The following GUCY1A2 variants were observed in gnomAD, a reference collection of about 807,000 sequenced individuals.
The protein encoded by GUCY1A2 is guanylate cyclase 1 soluble subunit alpha 2.
GUCY1A2 carries 27 observed loss-of-function variants against 63.5 expected under a neutral mutation model. That is an observed-to-expected ratio of 0.43 (90% confidence interval 0.31 to 0.59). GUCY1A2 has a LOEUF of 0.59. Ranked by LOEUF, GUCY1A2 falls within the 20% of genes least tolerant of loss-of-function variation. The probability of loss-of-function intolerance (pLI) is 0.11; values close to 1 mark genes in which losing one functional copy is unlikely to be tolerated. For missense variants in GUCY1A2, 768 were observed against 913.3 expected (o/e 0.84, Z 2.05); for synonymous variants, 364 against 343.5 (o/e 1.06, Z -0.66).
At chr11:106,999,661 C>T (rs182459994) in intron 1 of GUCY1A2, among the ~76,000 whole-genome samples, 2 of 152,240 alleles carry the variant, frequency 1.3e-5, no homozygotes, top group East Asian at 3.9e-4. Context: ...TTGAAAGTGA[C>T]TTACTAGTAT....
At position 106,939,557 on chromosome 11, in the gene GUCY1A2, T is replaced by G; in HGVS notation, c.1109A>C (p.Lys370Thr). 2 of 1,614,004 alleles carry G rather than the reference T, an allele frequency of 1.2e-6. No individual in the cohort carries two copies. Among genetic ancestry groups the G allele is most frequent in the Non-Finnish European group, 1.7e-6 (2 of 1,179,862 alleles). The part of the protein sequence containing the change: ...FEDCFEIVSP[K>T]VNATFERVLL... ...GACCCTTTCAAAGGTGGCATTAACCTTTGGAGATACAATCTCGAAGCAGTC... is the reference window on the plus strand; with the variant it reads ...GACCCTTTCAAAGGTGGCATTAACCGTTGGAGATACAATCTCGAAGCAGTC... Residue 370 changes from lysine (K) to threonine (T), a missense_variant, in exon 4 of 8, where the codon AAG becomes ACG. Around this residue, in one of 3 missense-constraint regions of GUCY1A2, gnomAD observed 496 missense variants for 486.9 expected, o/e 1.02. Transcript: ENST00000526355.
chr11:106,931,872 T>C (rs563583757), intron 4 of GUCY1A2, among the ~76,000 whole-genome samples: 6 of 152,146 alleles, frequency 3.9e-5, no homozygotes, highest in Non-Finnish European at 5.9e-5. Context: ...TTGGGGGTGA[T>C]AAAGTTTTCT....
intron 6 of GUCY1A2, among the ~76,000 whole-genome samples, chr11:106,716,362 G>A (rs1863213481): frequency 6.6e-6 from 1 of 152,142 alleles, no homozygotes; most frequent in Non-Finnish European, 1.5e-5. Flanking sequence ...CTAGATGCCA[G>A]TTGTAAACAG....
chr11:107,018,126 C>CG lies in GUCY1A2; in HGVS notation c.-72dup. 1 of 1,048,506 alleles carries CG rather than the reference C, an allele frequency of 9.5e-7. No homozygotes were observed. The highest frequency in any genetic ancestry group is 1.3e-6 in the Non-Finnish European group (1 of 794,140). 65.0% of individuals were successfully genotyped at this position (1,048,506 alleles called of 1,614,324 possible). ...CGAGCGGCGGCGGAGGCGGCGGTGG[C>CG]GGGACCGGCAAGCGACAACGTTAAG... is the stretch of plus-strand genomic sequence containing the variant. On this transcript the variant is annotated 5_prime_UTR_variant, in exon 1 of 8. Transcript: ENST00000526355.
intron 5 of GUCY1A2, among the ~76,000 whole-genome samples, chr11:106,794,278 A>T (rs1864715106): frequency 6.6e-6 from 1 of 152,144 alleles, no homozygotes; most frequent in Non-Finnish European, 1.5e-5. Context: ...CTTATGTGGA[A>T]TCCAAATAAC....
intron 4 of GUCY1A2, among the ~76,000 whole-genome samples, chr11:106,888,361 A>G (rs1859928208): frequency 6.6e-6 from 1 of 151,818 alleles, no homozygotes. Context: ...GCTACTCAGG[A>G]GGCTGAGGCA....
At chr11:106,977,233 A>T in intron 3 of GUCY1A2, among the ~76,000 whole-genome samples, 1 of 152,202 alleles carries the variant, frequency 6.6e-6, no homozygotes, top group East Asian at 1.9e-4. Context: ...CAATGCATTA[A>T]GAGAAATGTA....
At chr11:106,810,527 TC>T in intron 4 of GUCY1A2, 49 bp from the exon 5 acceptor site, 1 of 1,464,460 alleles carries the variant, frequency 6.8e-7, no homozygotes, top group African/African-American at 1.4e-5. Context: ...CATAGTAGGT[TC>T]ACAAAATTTA....
chr11:106,864,647 G>A (rs566766984), intron 4 of GUCY1A2, among the ~76,000 whole-genome samples: 35 of 152,190 alleles, frequency 2.3e-4, no homozygotes, highest in African/African-American at 8.4e-4. Flanking sequence ...TTCATTGAAG[G>A]CCTTTTCTGC....
intron 5 of GUCY1A2, among the ~76,000 whole-genome samples, chr11:106,802,836 TAACTCC>T (rs1415924265): frequency 6.6e-6 from 1 of 152,130 alleles, no homozygotes; most frequent in Non-Finnish European, 1.5e-5. Context: ...TAAACTTGAT[TAACTCC>T]AAAATACTCT....
At chr11:106,892,974 G>A (rs1859994745) in intron 4 of GUCY1A2, among the ~76,000 whole-genome samples, 1 of 152,124 alleles carries the variant, frequency 6.6e-6, no homozygotes, top group Non-Finnish European at 1.5e-5. Context: ...CTAGAAAAGT[G>A]GGGCGGATGT....
intron 4 of GUCY1A2, among the ~76,000 whole-genome samples, chr11:106,894,788 A>C (rs994133521): frequency 6.6e-6 from 1 of 152,148 alleles, no homozygotes; most frequent in African/African-American, 2.4e-5. Context: ...AACACCACTG[A>C]ATGCATATAT....
chr11:106,961,721 T>C (rs1430162723), intron 3 of GUCY1A2, among the ~76,000 whole-genome samples: 5 of 152,202 alleles, frequency 3.3e-5, no homozygotes, highest in Admixed American at 3.3e-4. Flanking sequence ...CTTGCCAGTA[T>C]ATTATTGCTA....
chr11:106,705,181 G>C (rs1862887573), intron 7 of GUCY1A2, among the ~76,000 whole-genome samples: 1 of 152,138 alleles, frequency 6.6e-6, no homozygotes. Context: ...AGGAATATAT[G>C]TATGAAATAT....
At chr11:106,718,892 G>A (rs1863263239) in intron 6 of GUCY1A2, among the ~76,000 whole-genome samples, 1 of 152,020 alleles carries the variant, frequency 6.6e-6, no homozygotes, top group South Asian at 2.1e-4. Flanking sequence ...AAACAATTGT[G>A]ACTTTTTTCT....
At chr11:106,773,098 C>A (rs1052087875) in intron 6 of GUCY1A2, among the ~76,000 whole-genome samples, 6 of 151,694 alleles carry the variant, frequency 4.0e-5, no homozygotes, top group Non-Finnish European at 7.4e-5. Context: ...AAATTTTATA[C>A]TATGTTTATC....
intron 6 of GUCY1A2, among the ~76,000 whole-genome samples, chr11:106,750,682 C>T (rs1282774218): frequency 6.6e-6 from 1 of 151,972 alleles, no homozygotes; most frequent in African/African-American, 2.4e-5. Flanking sequence ...ATACCAATTA[C>T]CCCATAACTA....
chr11:106,928,338 A>G (rs1047521720), intron 4 of GUCY1A2, among the ~76,000 whole-genome samples: 8 of 152,210 alleles, frequency 5.3e-5, no homozygotes, highest in African/African-American at 1.9e-4. Flanking sequence ...CATTTTTAAC[A>G]TCAGCCAACA....
intron 5 of GUCY1A2, among the ~76,000 whole-genome samples, chr11:106,806,276 G>A (rs1858683525): frequency 6.6e-6 from 1 of 152,150 alleles, no homozygotes; most frequent in East Asian, 1.9e-4. Flanking sequence ...CTGATGCACT[G>A]AATATCTTTA....
Sources: allele counts gnomAD v4.1 joint callset (sites outside exome capture counted in the v4.1 genomes callset), GRCh38; gene constraint gnomAD v4.1.1; regional missense constraint gnomAD v4.1.1; transcripts MANE v1.5; gene names NCBI Gene and HGNC (gene_info 2026-07-23, HGNC 2026-07-21).